CHID1: variants seen among roughly 807,000 people sequenced by gnomAD.
CHID1 encodes the protein chitinase domain-containing protein 1.
Under a neutral mutation model 55.4 loss-of-function variants are expected in CHID1, and 44 were observed. That is an observed-to-expected ratio of 0.79 (90% CI 0.62 to 1.02). The LOEUF (loss-of-function observed/expected upper bound fraction) is 1.02, where lower values mean the gene tolerates loss of function less well. CHID1 is among the 50% of genes least tolerant of loss of function. CHID1 has a pLI of 0.00. For synonymous variants in CHID1, 216 were observed against 212.9 expected (o/e 1.01, Z -0.13); for missense variants, 491 against 515.3 (o/e 0.95, Z 0.46).
At chr11:887,346 A>T (rs181591048) in intron 8 of CHID1, among the ~76,000 whole-genome samples, 1 of 151,672 alleles carries the variant, frequency 6.6e-6, no homozygotes, top group Non-Finnish European at 1.5e-5. Context: ...CTTTCCCACC[A>T]CCGTGTTCCC....
intron 7 of CHID1, among the ~76,000 whole-genome samples, chr11:895,027 G>A (rs1319802800): frequency 1.3e-5 from 2 of 152,306 alleles, no homozygotes; most frequent in South Asian, 2.1e-4. Context: ...CTCTGCAGCT[G>A]TGTCCACAAC....
intron 9 of CHID1, 61 bp from the exon 10 acceptor site, chr11:883,364 T>A (rs574630315): frequency 4.6e-6 from 7 of 1,527,624 alleles, no homozygotes; most frequent in Non-Finnish European, 6.2e-6. Context: ...TGAGCCATCA[T>A]TGGGGCCCTC....
intron 9 of CHID1, among the ~76,000 whole-genome samples, 183 bp downstream of exon 9, chr11:883,885 G>A (rs1208536422): frequency 6.6e-6 from 1 of 152,262 alleles, no homozygotes; most frequent in Non-Finnish European, 1.5e-5. Flanking sequence ...GACCACCACA[G>A]GGCATGGGGC....
chr11:904,857 G>C lies in CHID1; in HGVS notation c.-41C>G. The C allele has an allele frequency of 6.2e-7, 1 of 1,612,866 alleles. No individual in the cohort carries two copies. The highest frequency in any genetic ancestry group is 8.5e-7 in the Non-Finnish European group (1 of 1,179,900). Reference sequence around the variant, plus strand: ...GTAGGGTCCAACCTCGGGGTCCAGAGGGCTGCAGGGAAAGCAGAGCACATT... The same window carrying C: ...GTAGGGTCCAACCTCGGGGTCCAGACGGCTGCAGGGAAAGCAGAGCACATT... On this transcript the variant is annotated splice_region_variant and 5_prime_UTR_variant, in exon 2 of 13. Coordinates refer to ENST00000323578, the MANE Select transcript of CHID1 (RefSeq NM_023947.4).
intron 1 of CHID1, among the ~76,000 whole-genome samples, chr11:910,230 G>C (rs2134392386): frequency 6.6e-6 from 1 of 152,238 alleles, no homozygotes; most frequent in African/African-American, 2.4e-5. Context: ...GCTGAACCAA[G>C]GGTGGGTGGG....
chr11:899,522 G>A, intron 6 of CHID1, 121 bp from the exon 7 acceptor site: 1 of 881,162 alleles, frequency 1.1e-6, no homozygotes, highest in South Asian at 1.5e-5. Context: ...CACGAGGCAA[G>A]ACCCAAGCCT....
At chr11:888,939 G>A (rs1850600925) in intron 8 of CHID1, among the ~76,000 whole-genome samples, 1 of 152,202 alleles carries the variant, frequency 6.6e-6, no homozygotes. Context: ...CAACGCCAGT[G>A]CCCCTCCCCC....
chr11:884,006 C>T, intron 9 of CHID1, 62 bp downstream of exon 9: 1 of 1,325,056 alleles, frequency 7.5e-7, no homozygotes, highest in Non-Finnish European at 1.1e-6. Flanking sequence ...CCCCCCAGGT[C>T]CACACTCACT....
chr11:914,453 G>T, upstream of CHID1: 1 of 1,111,118 alleles, frequency 9.0e-7, no homozygotes, highest in Non-Finnish European at 1.2e-6. Flanking sequence ...CCGGTGGGGT[G>T]AGGAGGCCTG....
chr11:914,620 C>T (rs1018599480), upstream of CHID1: 4 of 1,242,552 alleles, frequency 3.2e-6, no homozygotes, highest in Non-Finnish European at 3.2e-6. Flanking sequence ...GTAATCCCAG[C>T]ACTTCGGGAG....
upstream of CHID1, chr11:914,922 C>CCTG: frequency 3.9e-6 from 1 of 259,470 alleles, no homozygotes; most frequent in Non-Finnish European, 7.6e-6. Context: ...CTGTCCTGTT[C>CCTG]TAACTAGGAG....
At chr11:893,315 G>A in intron 8 of CHID1, 112 bp downstream of exon 8, 2 of 808,784 alleles carry the variant, frequency 2.5e-6, no homozygotes, top group Non-Finnish European at 4.0e-6. Context: ...GACGGGATGA[G>A]GTTTGGGTGC....
At chr11:871,065 A>G (rs1589812875) in intron 10 of CHID1, among the ~76,000 whole-genome samples, 2 of 145,212 alleles carry the variant, frequency 1.4e-5, no homozygotes, top group East Asian at 4.1e-4. Flanking sequence ...ATCTTGGTTC[A>G]CTGCAACCTC....
In CHID1 at chr11:904,800, T is replaced by C. The variant is rs1335323453; in HGVS notation, c.17A>G (p.Asn6Ser). Residue 6 changes from asparagine (N) to serine (S), a missense_variant, in exon 2 of 13, where the codon AAC becomes AGC. Transcript: ENST00000323578. MRTLF[N>S]LLWLALACSP... ...GCAGGCCAGGGCAAGCCAGAGGAGG[T>C]TGAAGAGTGTCCGCATGGTAGGTGT... The C allele has an allele frequency of 1.9e-6, 3 of 1,613,698 alleles. No individual in the cohort carries two copies. Among genetic ancestry groups the C allele is most frequent in the East Asian group, 2.2e-5 (1 of 44,876 alleles).
At chr11:899,092 G>A (rs1405952410) in intron 7 of CHID1, among the ~76,000 whole-genome samples, 2 of 152,260 alleles carry the variant, frequency 1.3e-5, no homozygotes, top group African/African-American at 4.8e-5. Flanking sequence ...CAGGCCTGGC[G>A]CAGCAATGCG....
At chr11:898,553 C>T (rs1438368058) in intron 7 of CHID1, among the ~76,000 whole-genome samples, 1 of 152,258 alleles carries the variant, frequency 6.6e-6, no homozygotes, top group African/African-American at 2.4e-5. Context: ...GGGAGCAGTA[C>T]TGTCCCCCTG....
intron 12 of CHID1, 62 bp from the exon 13 acceptor site, chr11:870,018 C>T (rs1208321230): frequency 6.2e-7 from 1 of 1,606,858 alleles, no homozygotes; most frequent in African/African-American, 1.3e-5. Flanking sequence ...CCAGGGATGT[C>T]CTCCAGGCCG....
At chr11:896,923 G>C (rs1851366100) in intron 7 of CHID1, among the ~76,000 whole-genome samples, 1 of 51,898 alleles carries the variant, frequency 1.9e-5, no homozygotes, top group Non-Finnish European at 3.4e-5. Context: ...CCAGACACGA[G>C]CCTGTCTCAG....
chr11:899,037 A>G (rs1481564861), intron 7 of CHID1, among the ~76,000 whole-genome samples: 3 of 152,218 alleles, frequency 2.0e-5, no homozygotes, highest in African/African-American at 7.2e-5. Flanking sequence ...CCAAGACCTC[A>G]TGAATGAGGG....
Sources: allele counts gnomAD v4.1 joint callset (sites outside exome capture counted in the v4.1 genomes callset), GRCh38; gene constraint gnomAD v4.1.1; transcripts MANE v1.5; gene names NCBI Gene and HGNC (gene_info 2026-07-23, HGNC 2026-07-21).